Variants in ITPR1 observed in about 807,000 individuals in gnomAD.
ITPR1 encodes the protein inositol 1,4,5-trisphosphate-gated calcium channel ITPR1.
In ITPR1, 96 loss-of-function variants were observed where a neutral mutation model predicts 318.4. That is an observed-to-expected ratio of 0.30 (90% CI 0.26 to 0.36). ITPR1 has a LOEUF of 0.36. Among genes scored for constraint, ITPR1 ranks in the 10% least tolerant of loss-of-function variants. ITPR1 has a pLI of 1.00. For missense variants in ITPR1, 2,440 were observed against 3,460.2 expected, an observed-to-expected ratio of 0.71 and a Z score of 7.40; for synonymous variants, 1,312 against 1,289.9, an observed-to-expected ratio of 1.02 and a Z score of -0.37.
intron 4 of ITPR1, among the ~76,000 whole-genome samples, chr3:4,605,103 C>T (rs2091608371): frequency 6.6e-6 from 1 of 152,030 alleles, no homozygotes; most frequent in Non-Finnish European, 1.5e-5. Context: ...TCCCTGGTAG[C>T]TGGGATTAGA....
chr3:4,649,635 T>G (rs979312078), intron 10 of ITPR1, among the ~76,000 whole-genome samples: 3 of 152,242 alleles, frequency 2.0e-5, no homozygotes, highest in African/African-American at 7.2e-5. Context: ...ATCTGACTTC[T>G]TTCACCTAGG....
At chr3:4,615,291 C>G (rs1008470733) in intron 4 of ITPR1, among the ~76,000 whole-genome samples, 1 of 151,740 alleles carries the variant, frequency 6.6e-6, no homozygotes, top group Non-Finnish European at 1.5e-5. Flanking sequence ...TACCTGTGTT[C>G]GGGCTACTGG....
chr3:4,814,260 A>C, intron 57 of ITPR1, 163 bp from the exon 58 acceptor site: 1 of 751,250 alleles, frequency 1.3e-6, no homozygotes, highest in Non-Finnish European at 2.3e-6. Context: ...GCCCCAGACG[A>C]CTTTAGCTTT....
chr3:4,586,725 A>ATT (rs11328041), intron 4 of ITPR1, among the ~76,000 whole-genome samples: 41 of 138,594 alleles, frequency 3.0e-4, no homozygotes, highest in African/African-American at 8.8e-4. Context: ...CCCAGGCTGG[A>ATT]TTTTTTTTTT....
chr3:4,799,640 GT>G (rs553728305), intron 53 of ITPR1, among the ~76,000 whole-genome samples: 26 of 147,492 alleles, frequency 1.8e-4, no homozygotes, highest in Non-Finnish European at 2.4e-4. Flanking sequence ...AAATAGGGGT[GT>G]TTTTTTTTTA....
chr3:4,715,664 C>A (rs951092544), intron 39 of ITPR1, among the ~76,000 whole-genome samples: 2 of 152,164 alleles, frequency 1.3e-5, no homozygotes, highest in African/African-American at 4.8e-5. Context: ...ACCAGCCTGG[C>A]CAACATGGAG....
At chr3:4,543,365 G>A (rs530179040) in intron 4 of ITPR1, among the ~76,000 whole-genome samples, 10 of 152,260 alleles carry the variant, frequency 6.6e-5, no homozygotes, top group Admixed American at 2.0e-4. Flanking sequence ...GCTTAGGCTG[G>A]GGACTTGGAT....
rs762519896 is a variant in ITPR1, at chr3:4,768,549, G to T, written c.5764G>T (p.Asp1922Tyr). 1 of 1,613,702 alleles carries T rather than the reference G, an allele frequency of 6.2e-7. No homozygotes were observed. The highest frequency in any genetic ancestry group is 8.5e-7 in the Non-Finnish European group (1 of 1,179,752). ...AACACAGATAACAGAAGAGGTCCGGGATCAGCTCCTGGAGGCCTCCGCTGC... is the reference window on the plus strand; with the variant it reads ...AACACAGATAACAGAAGAGGTCCGGTATCAGCTCCTGGAGGCCTCCGCTGC... ...PTTQITEEVR[D>Y]QLLEASAATR... The change falls in exon 46 of 62, where the codon GAT (aspartate) becomes TAT (tyrosine). Residue 1922 changes from aspartate (D) to tyrosine (Y), a missense_variant. Asp to Tyr is a radical substitution (Grantham distance 160). Coordinates refer to ENST00000649015, the MANE Select transcript of ITPR1 (RefSeq NM_001378452.1).
intron 4 of ITPR1, among the ~76,000 whole-genome samples, chr3:4,582,017 G>C (rs959274098): frequency 2.0e-5 from 3 of 151,812 alleles, no homozygotes; most frequent in African/African-American, 7.3e-5. Flanking sequence ...AGACAGGGTT[G>C]TTACGCCTTT....
chr3:4,585,976 G>T (rs1460728555), intron 4 of ITPR1, among the ~76,000 whole-genome samples: 1 of 143,994 alleles, frequency 6.9e-6, no homozygotes, highest in Non-Finnish European at 1.5e-5. Flanking sequence ...GTGTCCATGT[G>T]TTCTCATTGT....
chr3:4,510,284 G>T (rs2081709186), intron 2 of ITPR1, among the ~76,000 whole-genome samples: 1 of 152,216 alleles, frequency 6.6e-6, no homozygotes, highest in Admixed American at 6.5e-5. Context: ...GGCAGGGCTA[G>T]ATCATGAAGA....
chr3:4,554,976 A>G (rs2085980822), intron 4 of ITPR1, among the ~76,000 whole-genome samples: 2 of 152,184 alleles, frequency 1.3e-5, no homozygotes, highest in Non-Finnish European at 2.9e-5. Flanking sequence ...ATAGGGGTGA[A>G]GAAAGATTTC....
At chr3:4,654,397 T>C (rs1015674129) in intron 12 of ITPR1, among the ~76,000 whole-genome samples, 1 of 152,216 alleles carries the variant, frequency 6.6e-6, no homozygotes, top group African/African-American at 2.4e-5. Flanking sequence ...AGAAATAGGC[T>C]TTAGTGTATA....
At chr3:4,540,242 A>G (rs912617106) in intron 4 of ITPR1, among the ~76,000 whole-genome samples, 11 of 152,122 alleles carry the variant, frequency 7.2e-5, no homozygotes, top group Non-Finnish European at 1.3e-4. Context: ...TATGTAAGAA[A>G]CATTTTTCTT....
intron 5 of ITPR1, among the ~76,000 whole-genome samples, chr3:4,635,847 A>G (rs555625621): frequency 3.3e-5 from 5 of 152,000 alleles, no homozygotes; most frequent in African/African-American, 4.8e-5. Flanking sequence ...AGTTTTGTCT[A>G]AATACCAGAC....
chr3:4,684,155 C>T (rs1049975437), intron 28 of ITPR1, 126 bp from the exon 29 acceptor site: 1 of 691,226 alleles, frequency 1.4e-6, no homozygotes, highest in Non-Finnish European at 2.6e-6. Flanking sequence ...GGGGCATAAG[C>T]CCAGCATGAC....
intron 4 of ITPR1, among the ~76,000 whole-genome samples, chr3:4,567,422 A>T (rs1392014214): frequency 6.6e-6 from 1 of 152,168 alleles, no homozygotes; most frequent in Non-Finnish European, 1.5e-5. Context: ...GCAACTTTAA[A>T]TTGTTGTAGG....
intron 52 of ITPR1, among the ~76,000 whole-genome samples, chr3:4,788,963 CG>C (rs955268550): frequency 6.6e-6 from 1 of 152,192 alleles, no homozygotes; most frequent in African/African-American, 2.4e-5. Context: ...CCAGAGCTTT[CG>C]TCTTCTCCGT....
At chr3:4,768,475 C>A in intron 45 of ITPR1, 36 bp from the exon 46 acceptor site, 1 of 1,569,964 alleles carries the variant, frequency 6.4e-7, no homozygotes, top group Non-Finnish European at 8.7e-7. Flanking sequence ...CCCATGAGGA[C>A]TCTGCAGCCT....
Sources: allele counts gnomAD v4.1 joint callset (sites outside exome capture counted in the v4.1 genomes callset), GRCh38; gene constraint gnomAD v4.1.1; transcripts MANE v1.5; gene names NCBI Gene and HGNC (gene_info 2026-07-23, HGNC 2026-07-21).